ANK2: variants seen among roughly 807,000 people sequenced by gnomAD.
ANK2 encodes the protein ankyrin 2, also known as ankyrin-2.
In ANK2, 83 loss-of-function variants were observed where a neutral mutation model predicts 360.5. The observed-to-expected ratio is 0.23, with a 90% CI of 0.19 to 0.28. The LOEUF is 0.28. Ranked by LOEUF, ANK2 falls within the 10% of genes least tolerant of loss-of-function variation. ANK2 has a pLI of 1.00. For missense variants in ANK2, 4,201 were observed against 4,795.7 expected, an observed-to-expected ratio of 0.88 and a Z score of 3.66; for synonymous variants, 1,740 against 1,759.5, an observed-to-expected ratio of 0.99 and a Z score of 0.28.
chr4:112,861,918 A>G (rs2068220160), intron 1 of ANK2, among the ~76,000 whole-genome samples: 1 of 151,712 alleles, frequency 6.6e-6, no homozygotes, highest in Admixed American at 6.6e-5. Flanking sequence ...AAACTTAACT[A>G]AGAAGACTTT....
At position 113,035,436 on chromosome 4, in the gene ANK2, G is replaced by T. The variant is rs142414029; in HGVS notation, c.21+130922G>T. ...AAAGAAAATAGGTATTTTTTAATCT[G>T]GAAATTTTTCACCAGCCCAGGAAAA... On this transcript the variant is annotated intron_variant, in intron 2 of 30. Transcript: ENST00000503271. 8.3e-3 allele frequency among the ~76,000 whole-genome samples: 1,264 copies of T among 151,878 alleles called. 18 individuals carry two copies. The highest frequency in any genetic ancestry group is 0.055 in the South Asian group (263 of 4,814).
intron 9 of ANK2, among the ~76,000 whole-genome samples, chr4:113,247,179 A>G (rs1240064847): frequency 6.6e-6 from 1 of 151,824 alleles, no homozygotes; most frequent in African/African-American, 2.4e-5. Flanking sequence ...AAAAAACAAC[A>G]ACAGAGAAAA....
At chr4:112,954,237 T>TCCTTCCTTCCTTGCTTCCTTCCTA (rs2095222720) in intron 2 of ANK2, among the ~76,000 whole-genome samples, 2 of 133,610 alleles carry the variant, frequency 1.5e-5, no homozygotes, top group African/African-American at 5.4e-5. Context: ...CTCCCTTCCT[T>TCCTTCCTTCCTTGCTTCCTTCCTA]CCTTCCTTCC....
chr4:112,873,109 T>C (rs1021866861), intron 1 of ANK2, among the ~76,000 whole-genome samples: 1 of 152,132 alleles, frequency 6.6e-6, no homozygotes, highest in Admixed American at 6.5e-5. Context: ...ATTTTCTCTC[T>C]TTTTTCTTGA....
chr4:112,974,563 C>CAGTGG (rs888405935), intron 2 of ANK2, among the ~76,000 whole-genome samples: 11 of 152,182 alleles, frequency 7.2e-5, no homozygotes, highest in African/African-American at 2.4e-4. Context: ...CTGCTTCCTC[C>CAGTGG]ATCTTCCCAC....
intron 2 of ANK2, among the ~76,000 whole-genome samples, chr4:113,192,740 C>A (rs936023575): frequency 1.3e-5 from 2 of 151,658 alleles, no homozygotes; most frequent in Non-Finnish European, 2.9e-5. Flanking sequence ...AATAGTGATT[C>A]CTATGTCATT....
chr4:113,332,166 C>T (rs2092618202), intron 28 of ANK2, 96 bp downstream of exon 28: 1 of 1,092,652 alleles, frequency 9.2e-7, no homozygotes, highest in Non-Finnish European at 1.4e-6. Flanking sequence ...GTGCCCATGA[C>T]ATGTCCCTTT....
chr4:113,171,721 C>T (rs1412591757), intron 1 of ANK2, among the ~76,000 whole-genome samples: 1 of 152,196 alleles, frequency 6.6e-6, no homozygotes, highest in Non-Finnish European at 1.5e-5. Flanking sequence ...CTTTGACATG[C>T]ATTCACTTTT....
chr4:112,724,917 A>C, the ANK2 span, among the ~76,000 whole-genome samples: 1 of 152,218 alleles, frequency 6.6e-6, no homozygotes, highest in South Asian at 2.1e-4. Context: ...GAAGCAAGCC[A>C]AATGTCAGAA....
intron 2 of ANK2, among the ~76,000 whole-genome samples, chr4:113,043,109 T>A (rs923328149): frequency 1.3e-5 from 2 of 151,936 alleles, no homozygotes; most frequent in African/African-American, 4.8e-5. Context: ...AATAAATAAA[T>A]TTAGAGGAGA....
chr4:113,150,978 C>A, intron 1 of ANK2: 2 of 967,680 alleles, frequency 2.1e-6, no homozygotes, highest in Non-Finnish European at 2.8e-6. Flanking sequence ...TTCCTACCAG[C>A]TAATAGGTAC....
chr4:113,356,411 T>C lies in ANK2; in HGVS notation c.7793T>C (p.Phe2598Ser), dbSNP rs1460981680. 1.2e-6 allele frequency: 2 copies of C among 1,614,088 alleles called. No individual in the cohort carries two copies. Among genetic ancestry groups the C allele is most frequent in the Non-Finnish European group, 1.7e-6 (2 of 1,179,980 alleles). The part of the protein sequence containing the change: ...MFKMVTKIKM[F>S]DELEQEAKQK... ...AAAATGGTAACCAAAATCAAAATGT[T>C]TGATGAACTTGAACAAGAAGCAAAG... Residue 2598 changes from phenylalanine to serine, a missense_variant, in exon 38 of 46, where the codon TTT (phenylalanine) becomes TCT (serine). Around this residue, in one of 4 missense-constraint regions of ANK2, gnomAD observed 2,642 missense variants for 2,714.5 expected, o/e 0.97. Coordinates refer to ENST00000357077, the MANE Select transcript of ANK2 (RefSeq NM_001148.6).
intron 4 of ANK2, among the ~76,000 whole-genome samples, chr4:113,204,448 G>A (rs1325214672): frequency 6.6e-6 from 1 of 152,186 alleles, no homozygotes; most frequent in African/African-American, 2.4e-5. Context: ...GTCTGGGGCG[G>A]TCAGTCTGCC....
intron 10 of ANK2, among the ~76,000 whole-genome samples, chr4:113,252,732 CA>C (rs2153613427): frequency 6.6e-6 from 1 of 152,308 alleles, no homozygotes; most frequent in East Asian, 1.9e-4. Flanking sequence ...CTCTGCCCAG[CA>C]CAAATTTCAT....
At chr4:113,238,656 T>C (rs2099402448) in intron 7 of ANK2, among the ~76,000 whole-genome samples, 1 of 152,236 alleles carries the variant, frequency 6.6e-6, no homozygotes, top group African/African-American at 2.4e-5. Flanking sequence ...GTATTGGCTC[T>C]AAACATTGTG....
intron 35 of ANK2, among the ~76,000 whole-genome samples, chr4:113,347,028 T>A (rs1042693040): frequency 2.0e-5 from 3 of 152,110 alleles, no homozygotes; most frequent in African/African-American, 7.2e-5. Context: ...GGAAGGGTGA[T>A]GAGTGGTGAC....
At chr4:112,804,711 CT>C in the ANK2 span, among the ~76,000 whole-genome samples, 1 of 152,004 alleles carries the variant, frequency 6.6e-6, no homozygotes, top group Non-Finnish European at 1.5e-5. Context: ...CAAATATAAA[CT>C]GGAACATGTG....
chr4:113,019,136 G>C (rs1377731864), intron 2 of ANK2, among the ~76,000 whole-genome samples: 3 of 152,084 alleles, frequency 2.0e-5, no homozygotes, highest in Admixed American at 1.3e-4. Context: ...GTATAAAAAG[G>C]CTAGTTAATA....
chr4:112,973,046 A>T (rs1165042135), intron 2 of ANK2, among the ~76,000 whole-genome samples: 2 of 152,118 alleles, frequency 1.3e-5, no homozygotes, highest in African/African-American at 4.8e-5. Flanking sequence ...AGCGAGGGAT[A>T]AAAGACTACT....
Sources: gnomAD v4.1 joint callset for allele counts (sites outside exome capture counted in the v4.1 genomes callset) on GRCh38, gnomAD v4.1.1 for gene constraint, gnomAD v4.1.1 regional missense constraint, MANE v1.5 for transcripts, NCBI Gene and HGNC (gene_info 2026-07-23, HGNC 2026-07-21) for gene names.